The following PCSK5 variants were observed in gnomAD, a reference collection of about 807,000 sequenced individuals.
PCSK5 encodes proprotein convertase subtilisin/kexin type 5.
A neutral mutation model predicts 233.2 loss-of-function variants in PCSK5; 129 were observed. The ratio of observed to expected loss-of-function variants is 0.55; its 90% CI spans 0.48 to 0.64. The LOEUF (loss-of-function observed/expected upper bound fraction) is 0.64. PCSK5 is among the 30% of genes least tolerant of loss of function. The pLI is 0.00. For synonymous variants in PCSK5, 825 were observed against 879.2 expected, an observed-to-expected ratio of 0.94 and a Z score of 1.09; for missense variants, 2,076 against 2,430.1, an observed-to-expected ratio of 0.85 and a Z score of 3.06.
At chr9:76,268,740 G>A (rs1344866637) in intron 24 of PCSK5, among the ~76,000 whole-genome samples, 1 of 152,136 alleles carries the variant, frequency 6.6e-6, no homozygotes, top group African/African-American at 2.4e-5. Flanking sequence ...ATTTACTTGG[G>A]AGGCTGAGGA....
chr9:76,115,653 A>G (rs780486495), intron 9 of PCSK5, among the ~76,000 whole-genome samples: 68 of 152,286 alleles, frequency 4.5e-4, no homozygotes, highest in Admixed American at 8.5e-4. Context: ...GAAAAAGAGA[A>G]GATGACTTTT....
intron 7 of PCSK5, among the ~76,000 whole-genome samples, chr9:76,086,830 C>T (rs1831083463): frequency 6.6e-6 from 1 of 152,122 alleles, no homozygotes; most frequent in South Asian, 2.1e-4. Flanking sequence ...TAAAATTATA[C>T]TGAATGAAGC....
At chr9:76,091,349 G>A (rs536886722) in intron 7 of PCSK5, among the ~76,000 whole-genome samples, 3 of 152,134 alleles carry the variant, frequency 2.0e-5, no homozygotes, top group Admixed American at 6.5e-5. Flanking sequence ...GCGAGCTAGA[G>A]AGATCTGAGC....
At chr9:76,301,714 C>T (rs2131424206) in intron 27 of PCSK5, among the ~76,000 whole-genome samples, 1 of 152,212 alleles carries the variant, frequency 6.6e-6, no homozygotes, top group South Asian at 2.1e-4. Context: ...CATGGCGGTG[C>T]TTGCCTATAG....
In PCSK5 at chr9:76,328,227, A is replaced by T. The variant is rs769913496; in HGVS notation, c.4558A>T (p.Ser1520Cys). ...EDQCQTCPMN[S>C]LLLNTTCVKD... ...CCAGTGTCAAACATGCCCCATGAAC[A>T]GCCTTCTTCTCAGTGAGTTACTTCT... is the stretch of plus-strand genomic sequence containing the variant. The change falls in exon 33 of 38, where the codon AGC becomes TGC. Residue 1520 changes from serine to cysteine, a missense_variant. Transcript: ENST00000674117. The T allele has an allele frequency of 6.2e-7, 1 of 1,611,008 alleles. No individual in the cohort carries two copies. The highest frequency in any genetic ancestry group is 1.7e-5 in the Admixed American group (1 of 60,010).
chr9:75,938,069 G>A (rs994890973), intron 2 of PCSK5, among the ~76,000 whole-genome samples: 6 of 152,124 alleles, frequency 3.9e-5, no homozygotes, highest in African/African-American at 1.4e-4. Flanking sequence ...TTTCTTTTAA[G>A]AACTTTTCCT....
intron 24 of PCSK5, among the ~76,000 whole-genome samples, chr9:76,263,466 G>T (rs528280521): frequency 6.6e-6 from 1 of 152,044 alleles, no homozygotes; most frequent in Non-Finnish European, 1.5e-5. Context: ...TGACGAGTTC[G>T]TGTCCTTTGT....
At chr9:76,122,987 G>A (rs200030389) in intron 9 of PCSK5, among the ~76,000 whole-genome samples, 21 of 151,526 alleles carry the variant, frequency 1.4e-4, no homozygotes, top group East Asian at 5.8e-4. Flanking sequence ...ACAGGCACCC[G>A]CCACTATGCC....
rs1044290227 is a variant in PCSK5, at chr9:76,183,322, A to G, written c.2198-1351A>G. ...GTGGTTTGTATATCTCTCTCTTTCT[A>G]TGTAATTGCCTTATGTTATAGTTTT... On this transcript the variant is annotated intron_variant, in intron 16 of 37. Transcript: ENST00000674117. Among the ~76,000 whole-genome samples, 7 of 152,274 alleles carry G rather than the reference A, an allele frequency of 4.6e-5. No individual in the cohort carries two copies. The East Asian group carries it at 1.2e-3, about 25-fold the overall frequency.
chr9:76,213,020 A>G (rs1825388160), intron 20 of PCSK5, among the ~76,000 whole-genome samples: 1 of 152,194 alleles, frequency 6.6e-6, no homozygotes. Flanking sequence ...CATTGTCACA[A>G]AGCTATCATT....
chr9:76,334,848 C>T (rs368976356), intron 34 of PCSK5, among the ~76,000 whole-genome samples: 5 of 152,086 alleles, frequency 3.3e-5, no homozygotes, highest in South Asian at 2.1e-4. Context: ...AAGGCTGAGG[C>T]GGGCAGATCA....
chr9:76,190,883 ATAGGTTT>A (rs1824342851), intron 20 of PCSK5, among the ~76,000 whole-genome samples: 1 of 152,230 alleles, frequency 6.6e-6, no homozygotes, highest in African/African-American at 2.4e-5. Flanking sequence ...GCCCATGATC[ATAGGTTT>A]AACTTCCCAA....
At chr9:76,230,017 T>C (rs1483812309) in intron 21 of PCSK5, among the ~76,000 whole-genome samples, 1 of 152,206 alleles carries the variant, frequency 6.6e-6, no homozygotes, top group Non-Finnish European at 1.5e-5. Context: ...GAGTTGGCTT[T>C]AAGGAACATT....
At chr9:76,178,980 G>GT (rs939259505) in intron 14 of PCSK5, among the ~76,000 whole-genome samples, 113 of 151,728 alleles carry the variant, frequency 7.4e-4, no homozygotes, top group African/African-American at 2.0e-3. Flanking sequence ...GCTTGCTTGC[G>GT]TTTTTTTTAA....
chr9:76,167,076 TTCTC>T (rs1238597213), intron 12 of PCSK5, among the ~76,000 whole-genome samples: 1 of 152,190 alleles, frequency 6.6e-6, no homozygotes, highest in Non-Finnish European at 1.5e-5. Flanking sequence ...GCACCATCCT[TTCTC>T]TATTGAGGAC....
intron 5 of PCSK5, among the ~76,000 whole-genome samples, chr9:76,064,698 G>A (rs1830209257): frequency 6.7e-6 from 1 of 149,754 alleles, no homozygotes; most frequent in Non-Finnish European, 1.5e-5. Context: ...CTCAGACGGG[G>A]CGGCCGGGCA....
At chr9:76,006,070 C>T (rs113801326) in intron 3 of PCSK5, among the ~76,000 whole-genome samples, 1 of 150,992 alleles carries the variant, frequency 6.6e-6, no homozygotes, top group South Asian at 2.1e-4. Context: ...CACCATCTTT[C>T]CAAGGCTAAT....
intron 12 of PCSK5, among the ~76,000 whole-genome samples, chr9:76,168,504 A>G (rs1473483295): frequency 6.6e-6 from 1 of 152,134 alleles, no homozygotes; most frequent in Non-Finnish European, 1.5e-5. Context: ...TTGAAAGGGA[A>G]TCTGTTTGTT....
intron 3 of PCSK5, among the ~76,000 whole-genome samples, chr9:75,988,357 C>T (rs1826617818): frequency 6.6e-6 from 1 of 151,652 alleles, no homozygotes; most frequent in Non-Finnish European, 1.5e-5. Flanking sequence ...TCTCAGCTCA[C>T]TGCAGCCTTG....
Sources: gnomAD v4.1 joint callset for allele counts (sites outside exome capture counted in the v4.1 genomes callset) on GRCh38, gnomAD v4.1.1 for gene constraint, MANE v1.5 for transcripts, NCBI Gene and HGNC (gene_info 2026-07-23, HGNC 2026-07-21) for gene names.